The following MYH7 variants were observed in gnomAD, a reference collection of about 807,000 sequenced individuals.
MYH7 encodes myosin heavy chain 7.
MYH7 carries 129 observed loss-of-function variants against 225.4 expected under a neutral mutation model. The observed-to-expected ratio is 0.57, with a 90% CI of 0.50 to 0.66. The LOEUF (loss-of-function observed/expected upper bound fraction) is 0.66, where lower values mean the gene tolerates loss of function less well. Among genes scored for constraint, MYH7 ranks in the 30% least tolerant of loss-of-function variants. The pLI is 0.00. For missense variants in MYH7, 1,649 were observed against 2,517.0 expected, an observed-to-expected ratio of 0.66 and a Z score of 7.38; for synonymous variants, 971 against 1,007.6, an observed-to-expected ratio of 0.96 and a Z score of 0.69.
Position 23,432,559 on chromosome 14 carries a change from T to C in MYH7, c.503-53A>G. Reference sequence around the variant, plus strand: ...TCAGGAGCTGCACAGGATGCTCTCGTGGGGCTTCTCCCTTCCTTCTCCCTC... The same window carrying C: ...TCAGGAGCTGCACAGGATGCTCTCGCGGGGCTTCTCCCTTCCTTCTCCCTC... On this transcript the variant is annotated intron_variant, in intron 5 of 39. Coordinates refer to ENST00000355349, the MANE Select transcript of MYH7 (RefSeq NM_000257.4). The C allele has an allele frequency of 2.5e-6, 4 of 1,614,130 alleles. No individual in the cohort carries two copies. In the Admixed American group the frequency reaches 5.0e-5, roughly 20 times the overall value.
rs1406596196 is a variant in MYH7, at chr14:23,432,975, T to A, written c.345+109A>T. ...TGAACCAAGGATGTTGGGACGAGGT[T>A]AGAGTGTAACCCTGCCTAGACACAA... On this transcript the variant is annotated intron_variant, in intron 4 of 39. Transcript: ENST00000355349. 4.5e-6 allele frequency: 7 copies of A among 1,553,610 alleles called. No individual in the cohort carries two copies. The African/African-American group carries it at 8.2e-5, about 18-fold the overall frequency.
intron 25 of MYH7, chr14:23,421,733 T>C (rs1252599525): frequency 1.0e-6 from 1 of 985,170 alleles, no homozygotes; most frequent in Non-Finnish European, 1.2e-6. Context: ...AACCACAAGT[T>C]AAGCAAAACA....
At position 23,433,711 on chromosome 14, in the gene MYH7, C is replaced by T. The variant is rs754388460; in HGVS notation, c.22G>A (p.Val8Ile). 7.4e-6 allele frequency: 12 copies of T among 1,614,034 alleles called. No individual in the cohort carries two copies. In the Middle Eastern group the frequency reaches 5.0e-4, roughly 67 times the overall value. Residue 8 changes from valine (V) to isoleucine (I), a missense_variant, in exon 3 of 40, where the codon GTC (valine) becomes ATC (isoleucine). Physicochemically the swap from Val to Ile is conservative, Grantham distance 29. Coordinates refer to ENST00000355349, the MANE Select transcript of MYH7 (RefSeq NM_000257.4). The surrounding 1 kb of genome is among the most constrained non-coding windows in gnomAD (Gnocchi z 4.1). Reference sequence around the variant, plus strand: ...AGGTAGGGGGCGGCAGCCCCAAAGACTGCCATCTCCGAATCTCCCATGGCT... The same window carrying T: ...AGGTAGGGGGCGGCAGCCCCAAAGATTGCCATCTCCGAATCTCCCATGGCT... MGDSEMA[V>I]FGAAAPYLRK...
rs575013686 is a variant in MYH7 at position 23,424,053 on chromosome 14, G to C, written c.2776C>G (p.Leu926Val). Residue 926 changes from leucine to valine, a missense_variant, in exon 23 of 40, where the codon CTG becomes GTG. This residue lies in a region of MYH7 where 282 missense variants were observed against 315.3 expected (regional missense o/e 0.89). Coordinates refer to ENST00000355349, the MANE Select transcript of MYH7 (RefSeq NM_000257.4). ...EAKVKEMNER[L>V]EDEEEMNAEL... ...GCATTCATCTCCTCCTCATCCTCCA[G>C]CCTCTCGTTCATCTCCTTCACCTTG... is the stretch of plus-strand genomic sequence containing the variant. 1.5e-5 allele frequency: 24 copies of C among 1,614,200 alleles called. No individual in the cohort carries two copies. In the South Asian group the frequency reaches 2.5e-4, roughly 17 times the overall value.
In MYH7 at chr14:23,419,288, C is replaced by G. The variant is rs150292548; in HGVS notation, c.3861G>C (p.Leu1287=). 385 of 1,614,068 alleles carry G rather than the reference C, an allele frequency of 2.4e-4. No homozygotes were observed. The highest frequency in any genetic ancestry group is 3.1e-4 in the Non-Finnish European group (363 of 1,180,042). The change falls in exon 29 of 40, where the codon CTG becomes CTC. Residue 1287 remains leucine (L), a synonymous_variant. Coordinates refer to ENST00000355349, the MANE Select transcript of MYH7 (RefSeq NM_000257.4). Reference sequence around the variant, plus strand: ...CCTCCTTCTCATCCAGCTGCCGGGACAGCTCACCTGGGGAAGCACCATTCT... The same window carrying G: ...CCTCCTTCTCATCCAGCTGCCGGGAGAGCTCACCTGGGGAAGCACCATTCT... ...RAKLQTENGE[L]SRQLDEKEAL...
In MYH7 at chr14:23,417,617, C is replaced by T. The variant is rs3729821; in HGVS notation, c.4239G>A (p.Ser1413=). 1.9e-3 allele frequency: 3,055 copies of T among 1,612,902 alleles called. 36 individuals are homozygous for T. In the East Asian group the frequency reaches 0.02, roughly 10 times the overall value. Residue 1413 remains serine, a synonymous_variant, in exon 31 of 40, where the codon TCG becomes TCA. Transcript: ENST00000355349. ...AVEAVNAKCS[S]LEKTKHRLQN... The stretch of plus-strand genomic sequence containing the variant: ...GTAGCCGGTGCTTGGTCTTCTCCAG[C>T]GAGGAGCACTTGGCATTAACAGCCT...
Position 23,423,727 on chromosome 14 carries a change from C to G in MYH7, c.2923-4G>C, listed in dbSNP as rs1391789257. On this transcript the variant is annotated splice_polypyrimidine_tract_variant and splice_region_variant and intron_variant, in intron 23 of 39. Coordinates refer to ENST00000355349, the MANE Select transcript of MYH7 (RefSeq NM_000257.4). ...TCTCCTCTGTCAGGTTTTTCACCTG[C>G]CGACCAAGAATCCCATCTCCTTTAG... 1 of 1,614,080 alleles carries G rather than the reference C, an allele frequency of 6.2e-7. No homozygotes were observed.
chr14:23,430,816 G>GCTC, intron 10 of MYH7, 85 bp downstream of exon 10: 1 of 1,291,362 alleles, frequency 7.7e-7, no homozygotes, highest in Non-Finnish European at 1.1e-6. Flanking sequence ...ATGAAACCCA[G>GCTC]GGCATGCCAG....
intron 13 of MYH7, 43 bp from the exon 14 acceptor site, chr14:23,429,147 G>C: frequency 6.2e-7 from 1 of 1,614,172 alleles, no homozygotes; most frequent in Non-Finnish European, 8.5e-7. Context: ...GGGTTGTTGG[G>C]AAGAGTGAAC....
chr14:23,429,422 T>A (rs775086663), intron 12 of MYH7, 75 bp from the exon 13 acceptor site: 19 of 1,439,134 alleles, frequency 1.3e-5, no homozygotes, highest in Non-Finnish European at 1.8e-5. Flanking sequence ...ATGCCTGTAA[T>A]CCCAGCACTT....
At chr14:23,430,533 C>A (rs778788035) in intron 11 of MYH7, 27 bp downstream of exon 11, 1 of 1,580,488 alleles carries the variant, frequency 6.3e-7, no homozygotes, top group Non-Finnish European at 8.7e-7. Context: ...ATCCTCCCAC[C>A]CCCTGGCTGG....
At chr14:23,428,889 C>A (rs1892805028) in intron 14 of MYH7, 66 bp downstream of exon 14, 3 of 1,612,184 alleles carry the variant, frequency 1.9e-6, no homozygotes, top group Middle Eastern at 1.8e-4. Flanking sequence ...TGGCTCTAAG[C>A]AAATAGCTGT....
chr14:23,415,841 C>G lies in MYH7; in HGVS notation c.4954-9G>C, dbSNP rs1892178883. 4 of 1,614,186 alleles carry G rather than the reference C, an allele frequency of 2.5e-6. No homozygotes were observed. The highest frequency in any genetic ancestry group is 3.4e-6 in the Non-Finnish European group (4 of 1,180,040). On this transcript the variant is annotated splice_polypyrimidine_tract_variant and intron_variant, in intron 34 of 39. Coordinates refer to ENST00000355349, the MANE Select transcript of MYH7 (RefSeq NM_000257.4). This position sits in a 1 kb window ranked among gnomAD's most constrained non-coding sequence, Gnocchi z 6.3. ...AGCTGAATCTGGGTGTCCTGAGGAT[C>G]AGGAGAGTGGGCATGAGCAGGGAGC...
chr14:23,414,107 G>A lies in MYH7; in HGVS notation c.5560-5C>T, dbSNP rs1892086046. ...GTTTTTCCTGTCCTCCTCCGTCTGGGGGCCAGAGGGTAGGCAGGGGGTGAA... is the reference window on the plus strand; with the variant it reads ...GTTTTTCCTGTCCTCCTCCGTCTGGAGGCCAGAGGGTAGGCAGGGGGTGAA... On this transcript the variant is annotated splice_polypyrimidine_tract_variant and splice_region_variant and intron_variant, in intron 37 of 39. Transcript: ENST00000355349. The A allele has an allele frequency of 5.0e-6, 8 of 1,611,266 alleles. No individual in the cohort carries two copies. Among genetic ancestry groups the A allele is most frequent in the Non-Finnish European group, 5.9e-6 (7 of 1,179,810 alleles).
In MYH7 at chr14:23,417,284, G is replaced by A. The variant is rs890401818; in HGVS notation, c.4388C>T (p.Ser1463Leu). The A allele has an allele frequency of 2.5e-6, 4 of 1,614,024 alleles. No homozygotes were observed. The highest frequency in any genetic ancestry group is 1.1e-5 in the South Asian group (1 of 91,086). The change falls in exon 32 of 40, where the codon TCG becomes TTG. Residue 1463 changes from serine (S) to leucine (L), a missense_variant. Ser to Leu is a moderately radical substitution (Grantham distance 145). Transcript: ENST00000355349. ...CTGCGAGGACTCCAGCTCCGACTGC[G>A]ACTCCTCATACTTCTGCTTCCACTC... The part of the protein sequence containing the change: ...LAEWKQKYEE[S>L]QSELESSQKE...
Position 23,423,642 on chromosome 14 carries a change from C to A in MYH7, c.3004G>T (p.Ala1002Ser). 1 of 1,614,126 alleles carries A rather than the reference C, an allele frequency of 6.2e-7. No homozygotes were observed. Among genetic ancestry groups the A allele is most frequent in the Non-Finnish European group, 8.5e-7 (1 of 1,180,014 alleles). ...LTKEKKALQE[A>S]HQQALDDLQA... ...AGGTCATCCAGAGCCTGTTGGTGGGCCTCTTGCAGAGCTTTCTTCTCCTTG... is the reference window on the plus strand; with the variant it reads ...AGGTCATCCAGAGCCTGTTGGTGGGACTCTTGCAGAGCTTTCTTCTCCTTG... Residue 1002 changes from alanine (A) to serine (S), a missense_variant, in exon 24 of 40, where the codon GCC becomes TCC. This residue lies in a region of MYH7 where 282 missense variants were observed against 315.3 expected (regional missense o/e 0.89). Coordinates refer to ENST00000355349, the MANE Select transcript of MYH7 (RefSeq NM_000257.4).
chr14:23,416,834 C>A (rs1892231622), intron 33 of MYH7, 34 bp downstream of exon 33: 3 of 1,613,778 alleles, frequency 1.9e-6, no homozygotes, highest in Non-Finnish European at 2.5e-6. Context: ...TGGAGCTCAG[C>A]TCCCTGCACC....
At chr14:23,419,703 G>T in intron 27 of MYH7, 94 bp from the exon 28 acceptor site, 2 of 1,611,382 alleles carry the variant, frequency 1.2e-6, no homozygotes, top group South Asian at 2.2e-5. Flanking sequence ...GAAGAGGGAA[G>T]GTGTGAAAAG....
intron 30 of MYH7, 52 bp downstream of exon 30, chr14:23,418,158 A>G (rs1595076050): frequency 6.2e-7 from 1 of 1,612,898 alleles, no homozygotes; most frequent in African/African-American, 1.3e-5. Context: ...GGCTGGGCTG[A>G]GTCCTGCCTG....
Sources: gnomAD v4.1 joint callset for allele counts on GRCh38, gnomAD v4.1.1 for gene constraint, gnomAD v4.1.1 regional missense constraint, Gnocchi (gnomAD v3.1) non-coding constraint, MANE v1.5 for transcripts, NCBI Gene and HGNC (gene_info 2026-07-23, HGNC 2026-07-21) for gene names.